Variants in TIMELESS observed in about 807,000 individuals in gnomAD.
TIMELESS encodes the protein timeless circadian regulator.
Under a neutral mutation model 164.3 loss-of-function variants are expected in TIMELESS, and 124 were observed. The observed-to-expected ratio is 0.75, with a 90% CI of 0.65 to 0.88. The LOEUF is 0.88. Among genes scored for constraint, TIMELESS ranks in the 40% least tolerant of loss-of-function variants. The pLI, the probability that TIMELESS is intolerant of heterozygous loss-of-function variation, is 0.00. For missense variants in TIMELESS, 1,422 were observed against 1,491.4 expected (o/e 0.95, Z 0.77); for synonymous variants, 564 against 563.4 (o/e 1.00, Z -0.02).
At position 56,428,906 on chromosome 12, in the gene TIMELESS, C is replaced by T. The variant is rs11832580; in HGVS notation, c.1281G>A (p.Lys427=). The change falls in exon 11 of 29, where the codon AAG becomes AAA. Residue 427 remains lysine, a synonymous_variant. Transcript: ENST00000553532. ...NYYEMMLTDR[K]EAASWARRMH... ...ACCGGCGTGCCCAGGAGGCAGCTTC[C>T]TTGCGGTCAGTCAGCATCATCTCAT... 9.0e-3 allele frequency: 14,469 copies of T among 1,613,892 alleles called. 1,089 individuals are homozygous for T. In the African/African-American group the frequency reaches 0.17, roughly 19 times the overall value.
rs770377436 is a variant in TIMELESS at position 56,423,375 on chromosome 12, G to A, written c.2191C>T (p.Arg731Trp). The A allele has an allele frequency of 3.7e-5, 60 of 1,613,980 alleles. No individual in the cohort carries two copies. Among genetic ancestry groups the A allele is most frequent in the Non-Finnish European group, 3.6e-5 (42 of 1,180,034 alleles). ...TNHCIVKMLHRLAHDLKMEAL... is the reference protein window; with the variant it reads ...TNHCIVKMLHWLAHDLKMEAL... ...TCCATTTTGAGGTCATGGGCCAGCC[G>A]GTGCAGCATCTTCACAATGCAATGG... Residue 731 changes from arginine to tryptophan, a missense_variant, in exon 18 of 29, where the codon CGG (arginine) becomes TGG (tryptophan). Coordinates refer to ENST00000553532, the MANE Select transcript of TIMELESS (RefSeq NM_003920.5).
At chr12:56,435,675 G>A (rs997440131) in intron 1 of TIMELESS, among the ~76,000 whole-genome samples, 6 of 152,214 alleles carry the variant, frequency 3.9e-5, no homozygotes, top group Admixed American at 2.0e-4. Context: ...TTAGCTGGGC[G>A]TTGGCCGGGC....
In TIMELESS at chr12:56,434,297, G is replaced by A. The variant is rs111769039; in HGVS notation, c.-61-66C>T. ...CATGAAAAGAAGATAGGAACAGGACGAGGCCCTAATGCTCAGAATATTCTG... is the reference window on the plus strand; with the variant it reads ...CATGAAAAGAAGATAGGAACAGGACAAGGCCCTAATGCTCAGAATATTCTG... On this transcript the variant is annotated intron_variant, in intron 1 of 28. Coordinates refer to ENST00000553532, the MANE Select transcript of TIMELESS (RefSeq NM_003920.5). 9.9e-5 allele frequency: 74 copies of A among 749,250 alleles called. No homozygotes were observed. In the African/African-American group the frequency reaches 1.0e-3, roughly 10 times the overall value. The allele number at this position is 749,250 out of a possible 1,614,324, so 46.4% of individuals were successfully genotyped here.
chr12:56,433,931 A>C lies in TIMELESS; in HGVS notation c.98-5T>G. The C allele has an allele frequency of 6.2e-7, 1 of 1,614,058 alleles. No individual in the cohort carries two copies. The highest frequency in any genetic ancestry group is 8.5e-7 in the Non-Finnish European group (1 of 1,179,934). On this transcript the variant is annotated splice_region_variant and splice_polypyrimidine_tract_variant and intron_variant, in intron 2 of 28. Coordinates refer to ENST00000553532, the MANE Select transcript of TIMELESS (RefSeq NM_003920.5). ...GGATCAGATCCTTCACGCTCTCTTC[A>C]GAGACAGAACAAAACATGCATGTGG...
At chr12:56,421,265 G>A in intron 23 of TIMELESS, 86 bp downstream of exon 23, 2 of 1,582,454 alleles carry the variant, frequency 1.3e-6, no homozygotes, top group East Asian at 4.5e-5. Flanking sequence ...AACAGCCTCA[G>A]GCAGGAAGAA....
In TIMELESS at chr12:56,416,911, A is replaced by T. The variant is rs953672082; in HGVS notation, c.*805T>A. On this transcript the variant is annotated 3_prime_UTR_variant, in exon 29 of 29. Coordinates refer to ENST00000553532, the MANE Select transcript of TIMELESS (RefSeq NM_003920.5). ...GCTAATTTTTGTATTTTTAGTGGAG[A>T]TGGGATTTCGCCATATTGTCCAGGC... 6.6e-6 allele frequency: 1 copy of T among 151,828 alleles called. No homozygotes were observed. Among genetic ancestry groups the T allele is most frequent in the Non-Finnish European group, 1.5e-5 (1 of 68,008 alleles). The allele number at this position is 151,828 out of a possible 1,614,324, so 9.4% of individuals were successfully genotyped here. A position where few individuals can be genotyped will look rare whatever the true frequency, so the allele number is the denominator to read the frequency against.
At chr12:56,447,182 G>GTTTTTTTT (rs144004569) in intron 1 of TIMELESS, among the ~76,000 whole-genome samples, 2 of 89,246 alleles carry the variant, frequency 2.2e-5, no homozygotes, top group Admixed American at 1.5e-4. Flanking sequence ...GCTAATTTTT[G>GTTTTTTTT]TTTTTTTTTT....
At chr12:56,432,907 A>T in intron 6 of TIMELESS, 119 bp downstream of exon 6, 1 of 706,406 alleles carries the variant, frequency 1.4e-6, no homozygotes. Context: ...GTGAGCTGAG[A>T]TCGCACCACT....
chr12:56,418,124 G>C lies in TIMELESS; in HGVS notation c.3454+10C>G. 1 of 1,613,768 alleles carries C rather than the reference G, an allele frequency of 6.2e-7. No individual in the cohort carries two copies. The highest frequency in any genetic ancestry group is 8.5e-7 in the Non-Finnish European group (1 of 1,179,698). ...CGTTAATACTCAGAAGATGGCTGTC[G>C]CACTATTACCCTCTGGGGATGCCAG... On this transcript the variant is annotated intron_variant, in intron 27 of 28. Transcript: ENST00000553532.
At position 56,428,409 on chromosome 12, in the gene TIMELESS, G is replaced by A; in HGVS notation, c.1409-4C>T. ...TCCATCACATAGAAAATATTGTCTAGGAATGGGGAAGAGAAAGGGATGGAA... is the reference window on the plus strand; with the variant it reads ...TCCATCACATAGAAAATATTGTCTAAGAATGGGGAAGAGAAAGGGATGGAA... On this transcript the variant is annotated splice_polypyrimidine_tract_variant and splice_region_variant and intron_variant, in intron 12 of 28. Coordinates refer to ENST00000553532, the MANE Select transcript of TIMELESS (RefSeq NM_003920.5). 1 of 1,605,956 alleles carries A rather than the reference G, an allele frequency of 6.2e-7. No homozygotes were observed. Among genetic ancestry groups the A allele is most frequent in the African/African-American group, 1.3e-5 (1 of 74,872 alleles).
rs756111535 is a variant in TIMELESS at position 56,421,474 on chromosome 12, CATG to C, written c.2742_2744del (p.Ile914del). On this transcript the variant is annotated inframe_deletion, in exon 23 of 29. Transcript: ENST00000553532. ...GTGAGCGTTTGGCTGTGATATTCTT[CATG>C]ATATGACCCAGGACATCTATAAAAA... 1.2e-6 allele frequency: 2 copies of C among 1,613,640 alleles called. No individual in the cohort carries two copies. Among genetic ancestry groups the C allele is most frequent in the South Asian group, 1.1e-5 (1 of 91,022 alleles).
rs994315736 is a variant in TIMELESS, at chr12:56,423,960, T to C, written c.1869-66A>G. 12 of 1,386,070 alleles carry C rather than the reference T, an allele frequency of 8.7e-6. No individual in the cohort carries two copies. The East Asian group carries it at 2.1e-4, about 24-fold the overall frequency. The allele number at this position is 1,386,070 out of a possible 1,614,324, so 85.9% of individuals were successfully genotyped here. On this transcript the variant is annotated intron_variant, in intron 15 of 28. Transcript: ENST00000553532. Reference sequence around the variant, plus strand: ...CTGGCTTTAAATTTATAATTCGAAGTAGAAGAAGGAATTTAGACTTATTTC... The same window carrying C: ...CTGGCTTTAAATTTATAATTCGAAGCAGAAGAAGGAATTTAGACTTATTTC...
rs72480404 is a variant in TIMELESS at position 56,420,692 on chromosome 12, G to A, written c.3110-5C>T. ...ATGGAACGGCCTGGGAGCAGCCTAAGACAGGGTCAATAGTCATATGGTGAA... is the reference window on the plus strand; with the variant it reads ...ATGGAACGGCCTGGGAGCAGCCTAAAACAGGGTCAATAGTCATATGGTGAA... On this transcript the variant is annotated splice_region_variant and splice_polypyrimidine_tract_variant and intron_variant, in intron 25 of 28. Transcript: ENST00000553532. The A allele has an allele frequency of 1.6e-4, 258 of 1,614,122 alleles. 1 individual carries two copies. The East Asian group carries it at 5.4e-3, about 34-fold the overall frequency.
intron 1 of TIMELESS, among the ~76,000 whole-genome samples, chr12:56,446,587 T>C (rs1361326212): frequency 6.6e-6 from 1 of 152,032 alleles, no homozygotes; most frequent in East Asian, 1.9e-4. Flanking sequence ...TCCCAGCACT[T>C]TGGGTGGCTG....
rs761537046 is a variant in TIMELESS, at chr12:56,428,536, G to A, written c.1408+13C>T. 1.9e-6 allele frequency: 3 copies of A among 1,612,822 alleles called. No homozygotes were observed. The highest frequency in any genetic ancestry group is 2.5e-6 in the Non-Finnish European group (3 of 1,178,896). On this transcript the variant is annotated intron_variant, in intron 12 of 28. Transcript: ENST00000553532. ...GGGACAGGCTGGGATCGGGGACCAGGCCAGGGCCTCACTCTTGATGATGCG... is the reference window on the plus strand; with the variant it reads ...GGGACAGGCTGGGATCGGGGACCAGACCAGGGCCTCACTCTTGATGATGCG...
intron 1 of TIMELESS, among the ~76,000 whole-genome samples, chr12:56,438,021 T>C (rs1359954686): frequency 6.6e-6 from 1 of 151,942 alleles, no homozygotes; most frequent in Non-Finnish European, 1.5e-5. Context: ...GCTCCGAGAG[T>C]GTTAATACTG....
At chr12:56,445,422 CAAA>C (rs71081360) in intron 1 of TIMELESS, among the ~76,000 whole-genome samples, 188 of 18,674 alleles carry the variant, frequency 0.01, no homozygotes, top group African/African-American at 0.021. Flanking sequence ...AACTCCACGT[CAAA>C]AAAAAAAAAA....
intron 13 of TIMELESS, 57 bp downstream of exon 13, chr12:56,428,179 C>A: frequency 6.8e-7 from 1 of 1,470,132 alleles, no homozygotes; most frequent in Non-Finnish European, 9.2e-7. Flanking sequence ...GAAGAAAGAG[C>A]CCCCCTTCCT....
At position 56,423,724 on chromosome 12, in the gene TIMELESS, G is replaced by A. The variant is rs1417198429; in HGVS notation, c.1967-17C>T. ...CCTGCTGCCCTATAGACAGAGGGAG[G>A]ATTACTGAGTCTCTGTTATGTTGGT... On this transcript the variant is annotated splice_polypyrimidine_tract_variant and intron_variant, in intron 16 of 28. Coordinates refer to ENST00000553532, the MANE Select transcript of TIMELESS (RefSeq NM_003920.5). The A allele has an allele frequency of 6.2e-7, 1 of 1,614,074 alleles. No individual in the cohort carries two copies. Among genetic ancestry groups the A allele is most frequent in the Non-Finnish European group, 8.5e-7 (1 of 1,179,988 alleles).
Sources: allele counts gnomAD v4.1 joint callset (sites outside exome capture counted in the v4.1 genomes callset), GRCh38; gene constraint gnomAD v4.1.1; transcripts MANE v1.5; gene names NCBI Gene and HGNC (gene_info 2026-07-23, HGNC 2026-07-21).